Variants in ANKRD28 observed in about 807,000 individuals in gnomAD.
The protein encoded by ANKRD28 is serine/threonine-protein phosphatase 6 regulatory ankyrin repeat subunit A.
ANKRD28 carries 44 observed loss-of-function variants against 126.5 expected under a neutral mutation model. The observed-to-expected ratio is 0.35, with a 90% confidence interval of 0.27 to 0.45. The LOEUF (loss-of-function observed/expected upper bound fraction) is 0.45. Ranked by LOEUF, ANKRD28 falls within the 20% of genes least tolerant of loss-of-function variation. The probability of loss-of-function intolerance (pLI) is 1.00; values close to 1 mark genes in which losing one functional copy is unlikely to be tolerated. For synonymous variants in ANKRD28, 442 were observed against 468.5 expected (o/e 0.94, Z 0.73); for missense variants, 1,110 against 1,316.6 (o/e 0.84, Z 2.43).
chr3:15,857,657 A>C (rs1165038711), intron 1 of ANKRD28, among the ~76,000 whole-genome samples: 2 of 152,200 alleles, frequency 1.3e-5, no homozygotes, highest in Non-Finnish European at 2.9e-5. Context: ...GTGGCATCAC[A>C]ATTTTCTCAC....
intron 1 of ANKRD28, among the ~76,000 whole-genome samples, chr3:15,842,062 AATTTT>A (rs1360788841): frequency 1.4e-5 from 2 of 142,758 alleles, no homozygotes; most frequent in African/African-American, 2.8e-5. Context: ...ATTTATATAT[AATTTT>A]ATTTTATAAT....
chr3:15,797,051 T>C lies in ANKRD28; in HGVS notation c.-530A>G, dbSNP rs577988612. On this transcript the variant is annotated 5_prime_UTR_variant, in exon 1 of 28. Transcript: ENST00000683139. ...GAAAATAAAAAATAAAATCTCACTA[T>C]TCTGTTTCCACTTCTAATTTGTCTT... 15 of 985,310 alleles carry C rather than the reference T, an allele frequency of 1.5e-5. No homozygotes were observed. The African/African-American group carries it at 2.1e-4, about 14-fold the overall frequency. 61.0% of individuals were successfully genotyped at this position (985,310 alleles called of 1,614,324 possible).
At chr3:15,761,785 C>A (rs1330989726) in intron 3 of ANKRD28, among the ~76,000 whole-genome samples, 1 of 152,018 alleles carries the variant, frequency 6.6e-6, no homozygotes, top group Non-Finnish European at 1.5e-5. Context: ...AATCAACTTT[C>A]AATTTAAAGA....
chr3:15,825,183 C>G (rs1013983516), intron 1 of ANKRD28, among the ~76,000 whole-genome samples: 2 of 152,148 alleles, frequency 1.3e-5, no homozygotes, highest in Non-Finnish European at 2.9e-5. Flanking sequence ...GCCAATGAGG[C>G]TCACGCATGC....
At chr3:15,740,234 C>T (rs1027007083) in intron 4 of ANKRD28, among the ~76,000 whole-genome samples, 3 of 152,134 alleles carry the variant, frequency 2.0e-5, no homozygotes, top group Non-Finnish European at 2.9e-5. Flanking sequence ...ACAGGGAAGA[C>T]TGAAAACGGA....
At chr3:15,706,350 T>C (rs1226183577) in intron 14 of ANKRD28, among the ~76,000 whole-genome samples, 1 of 130,304 alleles carries the variant, frequency 7.7e-6, no homozygotes, top group Admixed American at 8.1e-5. Flanking sequence ...GTTTGGTTTT[T>C]TGTCCTTGCG....
intron 2 of ANKRD28, among the ~76,000 whole-genome samples, chr3:15,782,355 C>T (rs1333039669): frequency 6.6e-6 from 1 of 151,710 alleles, no homozygotes; most frequent in Non-Finnish European, 1.5e-5. Flanking sequence ...TACATTAGGA[C>T]AAAAAATTAT....
chr3:15,777,426 G>A (rs2059332363), intron 2 of ANKRD28, among the ~76,000 whole-genome samples: 1 of 152,162 alleles, frequency 6.6e-6, no homozygotes, highest in Admixed American at 6.5e-5. Context: ...AGAGATCTGT[G>A]CAACGCAATC....
intron 14 of ANKRD28, among the ~76,000 whole-genome samples, chr3:15,705,970 C>T (rs2071303330): frequency 6.6e-6 from 1 of 152,068 alleles, no homozygotes; most frequent in African/African-American, 2.4e-5. Context: ...CACTGCACTC[C>T]ACCCTGGGCG....
At position 15,755,912 on chromosome 3, in the gene ANKRD28, G is replaced by A. The variant is rs1575556035; in HGVS notation, c.281-4092C>T. Among the ~76,000 whole-genome samples the A allele has an allele frequency of 5.3e-5, 8 of 152,272 alleles. No homozygotes were observed. In the South Asian group the frequency reaches 1.7e-3, roughly 32 times the overall value. The stretch of plus-strand genomic sequence containing the variant: ...AGGTTACTGGCATAGCCTGTGGTGC[G>A]AAAAAGCACTGCTAAGAAACAAAAG... On this transcript the variant is annotated intron_variant, in intron 3 of 27. Coordinates refer to ENST00000683139, the MANE Select transcript of ANKRD28 (RefSeq NM_001349278.2).
chr3:15,819,037 G>T lies in ANKRD28; in HGVS notation c.28-23731C>A, dbSNP rs558630118. Among the ~76,000 whole-genome samples, 11 of 152,272 alleles carry T rather than the reference G, an allele frequency of 7.2e-5. No homozygotes were observed. In the South Asian group the frequency reaches 1.9e-3, roughly 26 times the overall value. On this transcript the variant is annotated intron_variant, in intron 1 of 27. Transcript: ENST00000399451. ...TCACGCCTATAATTCCAGTGCTTTG[G>T]GAGGACAAGGTGGGAGGACTGCTTG...
At chr3:15,678,595 C>A (rs1349659683) in intron 23 of ANKRD28, among the ~76,000 whole-genome samples, 1 of 152,060 alleles carries the variant, frequency 6.6e-6, no homozygotes, top group Non-Finnish European at 1.5e-5. Flanking sequence ...AGATTAATTA[C>A]AAAATTGCTA....
At chr3:15,798,198 T>G, upstream of ANKRD28, 1 of 983,962 alleles carries the variant, frequency 1.0e-6, no homozygotes, top group Non-Finnish European at 1.2e-6. Context: ...TTTTAGCAAG[T>G]AAACAATTCC....
intron 8 of ANKRD28, among the ~76,000 whole-genome samples, chr3:15,718,287 A>AG (rs2073305725): frequency 6.6e-6 from 1 of 152,230 alleles, no homozygotes; most frequent in Admixed American, 6.5e-5. Flanking sequence ...GGTGAAGTTA[A>AG]GATGACTTTC....
intron 4 of ANKRD28, among the ~76,000 whole-genome samples, chr3:15,739,575 GGA>G (rs2075293347): frequency 1.3e-5 from 2 of 152,182 alleles, no homozygotes; most frequent in South Asian, 4.1e-4. Flanking sequence ...TATCTGTAAA[GGA>G]GATGGGGGTG....
At chr3:15,758,309 G>A (rs888082876) in intron 3 of ANKRD28, among the ~76,000 whole-genome samples, 2 of 152,022 alleles carry the variant, frequency 1.3e-5, no homozygotes, top group Non-Finnish European at 2.9e-5. Flanking sequence ...GTTCAGATTC[G>A]GTTTTCAGGC....
chr3:15,859,702 C>G (rs1315847039), exon 1 of ANKRD28: 2 of 153,466 alleles, frequency 1.3e-5, no homozygotes, highest in Non-Finnish European at 2.9e-5. Flanking sequence ...GCTGCCTGCC[C>G]TACCCGCCGC....
rs1248663442 is a variant in ANKRD28 at position 15,696,188 on chromosome 3, T to A, written c.1605A>T (p.Gly535=). The part of the protein sequence containing the change: ...DANPGIRDKQ[G]YNAVHYSAAY... ...CAGCTGAATAATGAACTGCGTTGTATCCTTGCTTATCACGGATCCCTGGAT... is the reference window on the plus strand; with the variant it reads ...CAGCTGAATAATGAACTGCGTTGTAACCTTGCTTATCACGGATCCCTGGAT... Residue 535 remains glycine (G), a synonymous_variant, in exon 15 of 28, where the codon GGA becomes GGT. Coordinates refer to ENST00000683139, the MANE Select transcript of ANKRD28 (RefSeq NM_001349278.2). 2 of 1,594,800 alleles carry A rather than the reference T, an allele frequency of 1.3e-6. No homozygotes were observed. Among genetic ancestry groups the A allele is most frequent in the South Asian group, 1.1e-5 (1 of 88,050 alleles).
At chr3:15,718,562 T>A (rs2073340373) in intron 8 of ANKRD28, among the ~76,000 whole-genome samples, 1 of 152,188 alleles carries the variant, frequency 6.6e-6, no homozygotes, top group Non-Finnish European at 1.5e-5. Flanking sequence ...GTCACCTAAG[T>A]AGACACTAAC....
Sources: gnomAD v4.1 joint callset for allele counts (sites outside exome capture counted in the v4.1 genomes callset) on GRCh38, gnomAD v4.1.1 for gene constraint, MANE v1.5 for transcripts, NCBI Gene and HGNC (gene_info 2026-07-23, HGNC 2026-07-21) for gene names.